Variants in PHACTR3 observed in about 807,000 individuals in gnomAD.
The protein encoded by PHACTR3 is phosphatase and actin regulator 3.
Under a neutral mutation model 66.8 loss-of-function variants are expected in PHACTR3, and 16 were observed. The ratio of observed to expected loss-of-function variants is 0.24; its 90% CI spans 0.16 to 0.36. The LOEUF (loss-of-function observed/expected upper bound fraction) is 0.36, where lower values mean the gene tolerates loss of function less well. Among genes scored for constraint, PHACTR3 ranks in the 10% least tolerant of loss-of-function variants. The probability of loss-of-function intolerance (pLI) is 1.00; values close to 1 mark genes in which losing one functional copy is unlikely to be tolerated. For synonymous variants in PHACTR3, 323 were observed against 292.1 expected, an observed-to-expected ratio of 1.11 and a Z score of -1.08; for missense variants, 647 against 719.9, an observed-to-expected ratio of 0.90 and a Z score of 1.16.
chr20:59,634,336 C>T (rs1190522293), intron 1 of PHACTR3, among the ~76,000 whole-genome samples: 1 of 152,212 alleles, frequency 6.6e-6, no homozygotes, highest in Admixed American at 6.5e-5. Context: ...TTCCCTCCTT[C>T]ATAAAATGGG....
intron 1 of PHACTR3, among the ~76,000 whole-genome samples, chr20:59,635,169 C>CTTTCTTTCTTTCTTTCTTTCTTTCCTT: frequency 1.8e-5 from 1 of 55,376 alleles, no homozygotes; most frequent in Non-Finnish European, 3.3e-5. Flanking sequence ...TTCTTTCTTT[C>CTTTCTTTCTTTCTTTCTTTCTTTCCTT]CTTTCTTTCT....
chr20:59,761,109 C>A (rs2039978507), intron 4 of PHACTR3, among the ~76,000 whole-genome samples: 1 of 152,126 alleles, frequency 6.6e-6, no homozygotes, highest in African/African-American at 2.4e-5. Context: ...GAGTCTAGAA[C>A]AAGGACTGTC....
At chr20:59,732,131 A>C (rs1334029643) in intron 1 of PHACTR3, among the ~76,000 whole-genome samples, 1 of 152,160 alleles carries the variant, frequency 6.6e-6, no homozygotes, top group Non-Finnish European at 1.5e-5. Flanking sequence ...TGGGGCTCTC[A>C]TGAAGAGGGT....
At chr20:59,733,092 A>G (rs984340732) in intron 1 of PHACTR3, among the ~76,000 whole-genome samples, 3 of 114,222 alleles carry the variant, frequency 2.6e-5, no homozygotes, top group African/African-American at 1.1e-4. Context: ...TTTTTTTTGC[A>G]TCCCTCCCTG....
intron 1 of PHACTR3, among the ~76,000 whole-genome samples, chr20:59,681,461 A>C (rs2036646064): frequency 6.6e-6 from 1 of 152,222 alleles, no homozygotes; most frequent in South Asian, 2.1e-4. Flanking sequence ...GGAATGCCAC[A>C]GGGGTCCATC....
intron 1 of PHACTR3, among the ~76,000 whole-genome samples, chr20:59,722,063 T>C (rs1262586236): frequency 1.3e-5 from 2 of 151,878 alleles, no homozygotes; most frequent in African/African-American, 2.4e-5. Context: ...ACCCCATATC[T>C]ACTAAAAAAT....
At chr20:59,845,986 TCCC>T (rs918143701) in intron 12 of PHACTR3, among the ~76,000 whole-genome samples, 6 of 152,132 alleles carry the variant, frequency 3.9e-5, no homozygotes, top group African/African-American at 1.4e-4. Flanking sequence ...TTTCAGTATT[TCCC>T]CCCACTTCTT....
chr20:59,788,413 C>T lies in PHACTR3; in HGVS notation c.1174+13923C>T, dbSNP rs556949340. ...GGATGCCCCCCACGCCTGGCAGCCC[C>T]TCCTCCCCCATTGTTGGCTCCCTCC... On this transcript the variant is annotated intron_variant, in intron 7 of 12. Transcript: ENST00000371015. Among the ~76,000 whole-genome samples the T allele has an allele frequency of 5.9e-5, 9 of 152,228 alleles. No individual in the cohort carries two copies. In the South Asian group the frequency reaches 1.9e-3, roughly 32 times the overall value.
chr20:59,774,752 G>A (rs2297854), intron 7 of PHACTR3, among the ~76,000 whole-genome samples: 35,519 of 151,222 alleles, frequency 0.23, 4,364 homozygotes, highest in African/African-American at 0.3. Flanking sequence ...GTTTTCATGT[G>A]TATGTGAAAA....
At chr20:59,688,905 G>A (rs868794521) in intron 1 of PHACTR3, among the ~76,000 whole-genome samples, 7 of 152,124 alleles carry the variant, frequency 4.6e-5, no homozygotes, top group South Asian at 4.1e-4. Context: ...GTGGGCTTGG[G>A]CTGGGCAACG....
At chr20:59,765,529 C>G (rs2040152066) in intron 4 of PHACTR3, among the ~76,000 whole-genome samples, 1 of 152,152 alleles carries the variant, frequency 6.6e-6, no homozygotes, top group Non-Finnish European at 1.5e-5. Context: ...GCTGGCCTTT[C>G]TGAGATAAGG....
intron 8 of PHACTR3, among the ~76,000 whole-genome samples, chr20:59,815,414 T>A (rs1156411309): frequency 6.7e-6 from 1 of 149,402 alleles, no homozygotes; most frequent in Non-Finnish European, 1.5e-5. Flanking sequence ...TACTTGGGGT[T>A]CTGGTTTTTT....
At chr20:59,828,077 C>T (rs1476573704) in intron 8 of PHACTR3, among the ~76,000 whole-genome samples, 1 of 152,212 alleles carries the variant, frequency 6.6e-6, no homozygotes, top group African/African-American at 2.4e-5. Flanking sequence ...TTCTGAATGT[C>T]CCTGGGACAC....
At chr20:59,836,426 C>G (rs1409048635) in intron 8 of PHACTR3, 79 bp from the exon 9 acceptor site, 1 of 1,419,032 alleles carries the variant, frequency 7.0e-7, no homozygotes, top group Admixed American at 2.2e-5. Flanking sequence ...TGCCAGCCAC[C>G]TCTCATCCTT....
At chr20:59,645,554 C>A (rs1048696863) in intron 1 of PHACTR3, among the ~76,000 whole-genome samples, 2 of 152,252 alleles carry the variant, frequency 1.3e-5, no homozygotes, top group South Asian at 4.1e-4. Context: ...TCTCCTCGTC[C>A]TGCTTGATTT....
chr20:59,822,110 G>C (rs1163363577), intron 8 of PHACTR3, among the ~76,000 whole-genome samples: 93 of 17,240 alleles, frequency 5.4e-3, no homozygotes, highest in African/African-American at 0.029. Context: ...CACCCCCTCC[G>C]CAGCGATCCC....
intron 1 of PHACTR3, among the ~76,000 whole-genome samples, chr20:59,659,344 T>C (rs1319156492): frequency 6.6e-6 from 1 of 150,980 alleles, no homozygotes; most frequent in Non-Finnish European, 1.5e-5. Context: ...GAGTCAGTCG[T>C]ACCTGTAGAT....
intron 1 of PHACTR3, among the ~76,000 whole-genome samples, chr20:59,662,395 G>A (rs1195842601): frequency 6.6e-6 from 1 of 152,140 alleles, no homozygotes; most frequent in Non-Finnish European, 1.5e-5. Context: ...CCTAGATGAG[G>A]AATGAGAGGT....
At chr20:59,585,471 C>T (rs565217767) in intron 1 of PHACTR3, among the ~76,000 whole-genome samples, 10 of 152,260 alleles carry the variant, frequency 6.6e-5, no homozygotes, top group East Asian at 1.9e-4. Context: ...CAGCTACAGC[C>T]GAGTCCTGTG....
Sources: gnomAD v4.1 joint callset for allele counts (sites outside exome capture counted in the v4.1 genomes callset) on GRCh38, gnomAD v4.1.1 for gene constraint, MANE v1.5 for transcripts, NCBI Gene and HGNC (gene_info 2026-07-23, HGNC 2026-07-21) for gene names.